R3HDM4: variants seen among roughly 807,000 people sequenced by gnomAD.
R3HDM4 encodes the protein R3H domain containing 4.
In R3HDM4, 30 loss-of-function variants were observed where a neutral mutation model predicts 31.3. The observed-to-expected ratio is 0.96, with a 90% CI of 0.72 to 1.30. The LOEUF is 1.30. Ranked by LOEUF, R3HDM4 falls within the 50% of genes most tolerant of loss-of-function variation. The pLI is 0.00. For missense variants in R3HDM4, 444 were observed against 366.1 expected, an observed-to-expected ratio of 1.21 and a Z score of -1.74; for synonymous variants, 196 against 156.6, an observed-to-expected ratio of 1.25 and a Z score of -1.88.
intron 7 of R3HDM4, among the ~76,000 whole-genome samples, chr19:897,841 C>T (rs2036760973): frequency 6.6e-6 from 1 of 152,238 alleles, no homozygotes; most frequent in Admixed American, 6.5e-5. Context: ...TGGCCACTCA[C>T]ACGCCTGCCT....
In R3HDM4 at chr19:913,048, G is replaced by C. The variant is rs1683587; in HGVS notation, c.71+39C>G. 401,534 of 783,388 alleles carry C rather than the reference G, an allele frequency of 0.51. 107,642 individuals are homozygous for C. Among genetic ancestry groups the C allele is most frequent in the African/African-American group, 0.74 (39,302 of 53,308 alleles). 48.5% of individuals were successfully genotyped at this position (783,388 alleles called of 1,614,324 possible). A position where few individuals can be genotyped will look rare whatever the true frequency, so the allele number is the denominator to read the frequency against. ...GATCTCAGGGGAGGGAGCCCAGCCC[G>C]CCCCCGGCGCCCGCCGCGCCCCGCC... On this transcript the variant is annotated intron_variant, in intron 1 of 7. Transcript: ENST00000361574. This position sits in a 1 kb window ranked among gnomAD's most constrained non-coding sequence, Gnocchi z 5.0.
In R3HDM4 at chr19:900,073, G is replaced by A. The variant is rs1204644782; in HGVS notation, c.549C>T (p.Ser183=). Residue 183 remains serine, a synonymous_variant, in exon 5 of 8, where the codon AGC becomes AGT. Coordinates refer to ENST00000361574, the MANE Select transcript of R3HDM4 (RefSeq NM_138774.4). ...ATCCCCCACTCACCATGGGGATGCG[G>A]CTGCGCTTGAGGACGGCTCGCAGAC... ...SRRLRAVLKR[S]RIPMETLETW... is the part of the protein sequence containing the mutation. 6.2e-7 allele frequency: 1 copy of A among 1,611,732 alleles called. No homozygotes were observed. The highest frequency in any genetic ancestry group is 8.5e-7 in the Non-Finnish European group (1 of 1,179,186).
chr19:908,155 G>C (rs2036929019), intron 1 of R3HDM4, among the ~76,000 whole-genome samples: 1 of 151,866 alleles, frequency 6.6e-6, no homozygotes, highest in African/African-American at 2.4e-5. Flanking sequence ...TCGCACCACT[G>C]CACTCCAGCC....
In R3HDM4 at chr19:911,014, G is replaced by C. The variant is rs536720180; in HGVS notation, c.71+2073C>G. Among the ~76,000 whole-genome samples, 56 of 152,118 alleles carry C rather than the reference G, an allele frequency of 3.7e-4. 1 individual carries two copies. The highest frequency in any genetic ancestry group is 7.2e-4 in the Admixed American group (11 of 15,254). On this transcript the variant is annotated intron_variant, in intron 1 of 7. Coordinates refer to ENST00000361574, the MANE Select transcript of R3HDM4 (RefSeq NM_138774.4). ...CGGGCACCTGTAGTCCCAGCTACTC[G>C]GGAGGCTGAGGCAGGAGAATGGCGT...
intron 1 of R3HDM4, among the ~76,000 whole-genome samples, chr19:908,391 G>C (rs1481075933): frequency 6.6e-6 from 1 of 151,974 alleles, no homozygotes; most frequent in Non-Finnish European, 1.5e-5. Flanking sequence ...TGGATCACTT[G>C]AGGCCAAGAG....
intron 4 of R3HDM4, among the ~76,000 whole-genome samples, chr19:900,394 C>T (rs1440532198): frequency 6.6e-6 from 1 of 151,788 alleles, no homozygotes; most frequent in Non-Finnish European, 1.5e-5. Context: ...AGACATGAGG[C>T]CCCACCCACT....
rs1290963172 is a variant in R3HDM4, at chr19:907,258, G to C, written c.72-5128C>G. ...CGACGGGTACTCAGTGGGAATACAGGGTCATGTTAAGCCAGCGTCTCTGAA... is the reference window on the plus strand; with the variant it reads ...CGACGGGTACTCAGTGGGAATACAGCGTCATGTTAAGCCAGCGTCTCTGAA... On this transcript the variant is annotated intron_variant, in intron 1 of 7. Coordinates refer to ENST00000361574, the MANE Select transcript of R3HDM4 (RefSeq NM_138774.4). The surrounding 1 kb of genome is among the most constrained non-coding windows in gnomAD (Gnocchi z 4.1). 6.6e-6 allele frequency among the ~76,000 whole-genome samples: 1 copy of C among 152,178 alleles called. No individual in the cohort carries two copies. Among genetic ancestry groups the C allele is most frequent in the Non-Finnish European group, 1.5e-5 (1 of 68,028 alleles).
rs1196900464 is a variant in R3HDM4 at position 913,025 on chromosome 19, T to G, written c.71+62A>C. The G allele has an allele frequency of 2.7e-5, 17 of 623,660 alleles. No individual in the cohort carries two copies. The highest frequency in any genetic ancestry group is 3.2e-5 in the Non-Finnish European group (16 of 495,002). 38.6% of individuals were successfully genotyped at this position (623,660 alleles called of 1,614,324 possible). On this transcript the variant is annotated intron_variant, in intron 1 of 7. Coordinates refer to ENST00000361574, the MANE Select transcript of R3HDM4 (RefSeq NM_138774.4). This position sits in a 1 kb window ranked among gnomAD's most constrained non-coding sequence, Gnocchi z 5.0. The stretch of plus-strand genomic sequence containing the variant: ...GAGGGGAGGGGAGGCGGGGAGAGGA[T>G]CTCAGGGGAGGGAGCCCAGCCCGCC...
intron 7 of R3HDM4, among the ~76,000 whole-genome samples, chr19:898,174 C>G (rs1390469508): frequency 1.3e-5 from 2 of 150,828 alleles, no homozygotes; most frequent in Non-Finnish European, 3.0e-5. Context: ...ATCACGAGGT[C>G]AGGTTGAGAC....
chr19:909,561 C>T (rs536128764), intron 1 of R3HDM4, among the ~76,000 whole-genome samples: 6 of 152,040 alleles, frequency 3.9e-5, no homozygotes, highest in South Asian at 4.1e-4. Context: ...TTTGGGAGGC[C>T]GAGGCAGGTG....
intron 3 of R3HDM4, 32 bp downstream of exon 3, chr19:901,390 T>A (rs2036834579): frequency 1.3e-6 from 2 of 1,591,076 alleles, no homozygotes; most frequent in Admixed American, 1.7e-5. Flanking sequence ...GGGGTCCCCG[T>A]GTGGAGGGAG....
rs902068804 is a variant in R3HDM4 at position 899,924 on chromosome 19, G to A, written c.561+137C>T. 7.4e-6 allele frequency: 7 copies of A among 952,216 alleles called. No homozygotes were observed. In the African/African-American group the frequency reaches 9.9e-5, roughly 13 times the overall value. The allele number at this position is 952,216 out of a possible 1,614,324, so 59.0% of individuals were successfully genotyped here. On this transcript the variant is annotated intron_variant, in intron 5 of 7. Transcript: ENST00000361574. The surrounding 1 kb of genome is among the most constrained non-coding windows in gnomAD (Gnocchi z 6.8). ...CGTTGCCCCCGCCCTCCTACTCAGG[G>A]CCCTGGTGCCGCTGTCTGTATCCTG... is the stretch of plus-strand genomic sequence containing the variant.
At chr19:905,184 G>A (rs1316258086) in intron 1 of R3HDM4, among the ~76,000 whole-genome samples, 1 of 151,770 alleles carries the variant, frequency 6.6e-6, no homozygotes, top group African/African-American at 2.4e-5. Context: ...CTCCAGCCTG[G>A]TGAACAGAGC....
intron 1 of R3HDM4, among the ~76,000 whole-genome samples, chr19:905,639 C>T (rs1422391835): frequency 1.4e-4 from 20 of 147,358 alleles, no homozygotes; most frequent in Admixed American, 3.4e-4. Flanking sequence ...GAGCCAAGAT[C>T]GCGCCACTGC....
chr19:909,979 G>C (rs2145303096), intron 1 of R3HDM4, among the ~76,000 whole-genome samples: 1 of 152,248 alleles, frequency 6.6e-6, no homozygotes, highest in South Asian at 2.1e-4. Flanking sequence ...GAGTCGAGGA[G>C]TTCGAGACCA....
chr19:906,266 C>G (rs1467544566), intron 1 of R3HDM4, among the ~76,000 whole-genome samples: 1 of 146,206 alleles, frequency 6.8e-6, no homozygotes, highest in African/African-American at 2.6e-5. Context: ...GTCGCCCAGG[C>G]TGGAGTTCAC....
Position 901,393 on chromosome 19 carries a change from G to A in R3HDM4, c.351+29C>T, listed in dbSNP as rs199574932. 351 of 1,594,016 alleles carry A rather than the reference G, an allele frequency of 2.2e-4. 6 individuals carry two copies. The East Asian group carries it at 7.6e-3, about 35-fold the overall frequency. ...AGGAGAACTGCCGGGGTCCCCGTGT[G>A]GAGGGAGTGAGGGGGTTGGGGGCCA... On this transcript the variant is annotated intron_variant, in intron 3 of 7. Coordinates refer to ENST00000361574, the MANE Select transcript of R3HDM4 (RefSeq NM_138774.4).
intron 7 of R3HDM4, among the ~76,000 whole-genome samples, chr19:898,227 A>AAC (rs1276981020): frequency 1.6e-5 from 2 of 128,910 alleles, no homozygotes; most frequent in African/African-American, 7.0e-5. Flanking sequence ...ACTAAAAAAA[A>AAC]AAATATATAT....
At chr19:908,773 C>G (rs2036936194) in intron 1 of R3HDM4, among the ~76,000 whole-genome samples, 1 of 151,618 alleles carries the variant, frequency 6.6e-6, no homozygotes, top group Admixed American at 6.6e-5. Context: ...CGCCCCCCAC[C>G]TAGCCCAGTC....
Sources: gnomAD v4.1 joint callset for allele counts (sites outside exome capture counted in the v4.1 genomes callset) on GRCh38, gnomAD v4.1.1 for gene constraint, Gnocchi (gnomAD v3.1) non-coding constraint, MANE v1.5 for transcripts, NCBI Gene and HGNC (gene_info 2026-07-23, HGNC 2026-07-21) for gene names.